Variants in CYP39A1 observed in about 807,000 individuals in gnomAD.
The protein encoded by CYP39A1 is 24-hydroxycholesterol 7-alpha-hydroxylase.
In CYP39A1, 49 loss-of-function variants were observed where a neutral mutation model predicts 58.1. That is an observed-to-expected ratio of 0.84 (90% CI 0.67 to 1.07). The LOEUF is 1.07. Among genes scored for constraint, CYP39A1 ranks in the 50% least tolerant of loss-of-function variants. The probability of loss-of-function intolerance (pLI) is 0.00; values close to 1 mark genes in which losing one functional copy is unlikely to be tolerated. For missense variants in CYP39A1, 531 were observed against 539.4 expected (o/e 0.98, Z 0.16); for synonymous variants, 209 against 187.6 (o/e 1.11, Z -0.93).
chr6:46,621,962 G>C (rs1371294016), intron 7 of CYP39A1, among the ~76,000 whole-genome samples: 4 of 152,094 alleles, frequency 2.6e-5, no homozygotes, highest in African/African-American at 9.7e-5. Flanking sequence ...TATACATGAG[G>C]ATTAAGCAGG....
intron 2 of CYP39A1, among the ~76,000 whole-genome samples, chr6:46,640,581 T>C (rs932810816): frequency 5.9e-5 from 9 of 152,360 alleles, no homozygotes; most frequent in African/African-American, 2.2e-4. Flanking sequence ...TATCTTGTTT[T>C]ATTGACCTTG....
In CYP39A1 at chr6:46,627,755, T is replaced by C. The variant is rs180831090; in HGVS notation, c.841-2247A>G. Among the ~76,000 whole-genome samples the C allele has an allele frequency of 1.5e-3, 230 of 152,230 alleles. 3 individuals carry two copies. The highest frequency in any genetic ancestry group is 0.013 in the South Asian group (61 of 4,830). ...CTTAACAGATTACAGTTTTTAAAAT[T>C]TTTTCTATTTTTAAAAAAGCCAAAG... On this transcript the variant is annotated intron_variant, in intron 6 of 11. Coordinates refer to ENST00000275016, the MANE Select transcript of CYP39A1 (RefSeq NM_016593.5).
chr6:46,651,094 C>T (rs1762657332), intron 1 of CYP39A1, among the ~76,000 whole-genome samples: 1 of 152,168 alleles, frequency 6.6e-6, no homozygotes, highest in Non-Finnish European at 1.5e-5. Context: ...ATTCATACTT[C>T]TTTTTCCAAA....
At chr6:46,581,269 G>A (rs573411985) in intron 10 of CYP39A1, among the ~76,000 whole-genome samples, 29 of 152,168 alleles carry the variant, frequency 1.9e-4, no homozygotes, top group Admixed American at 3.3e-4. Flanking sequence ...AAATTAGCTG[G>A]GCACTATGGC....
intron 10 of CYP39A1, among the ~76,000 whole-genome samples, chr6:46,567,130 C>A (rs1291260325): frequency 2.0e-5 from 3 of 152,090 alleles, no homozygotes; most frequent in Non-Finnish European, 4.4e-5. Context: ...GTACTCTCTG[C>A]CTGATATCTC....
rs1371935619 is a variant in CYP39A1 at position 46,550,355 on chromosome 6, C to A, written c.*11G>T. 1 of 1,611,458 alleles carries A rather than the reference C, an allele frequency of 6.2e-7. No homozygotes were observed. Among genetic ancestry groups the A allele is most frequent in the Admixed American group, 1.7e-5 (1 of 59,682 alleles). The stretch of plus-strand genomic sequence containing the variant: ...CCAGAAGGCCCTGGTCCTTGTGAGG[C>A]CCAACAGATGTCATATTCTTTGTTT... On this transcript the variant is annotated 3_prime_UTR_variant, in exon 12 of 12. Transcript: ENST00000275016.
chr6:46,565,611 T>C (rs1697977341), intron 10 of CYP39A1, among the ~76,000 whole-genome samples: 1 of 152,180 alleles, frequency 6.6e-6, no homozygotes, highest in African/African-American at 2.4e-5. Flanking sequence ...TCATTTGCCA[T>C]GGACCCCCAG....
chr6:46,586,879 T>A (rs887679595), intron 10 of CYP39A1, among the ~76,000 whole-genome samples, 198 bp downstream of exon 10: 1 of 152,126 alleles, frequency 6.6e-6, no homozygotes, highest in Non-Finnish European at 1.5e-5. Flanking sequence ...TCTCATAAGG[T>A]CTTCTATCAG....
chr6:46,625,517 GA>G lies in CYP39A1; in HGVS notation c.841-10del. 1 of 1,590,292 alleles carries G rather than the reference GA, an allele frequency of 6.3e-7. No individual in the cohort carries two copies. Among genetic ancestry groups the G allele is most frequent in the Non-Finnish European group, 8.6e-7 (1 of 1,163,386 alleles). On this transcript the variant is annotated splice_polypyrimidine_tract_variant and intron_variant, in intron 6 of 11. Transcript: ENST00000275016. ...AGTGTCCAAAATGCAACCTTAAAAA[GA>G]AAAACATATATCAAAAATATGAACT...
At chr6:46,561,771 C>A (rs1770989925) in intron 10 of CYP39A1, among the ~76,000 whole-genome samples, 1 of 151,940 alleles carries the variant, frequency 6.6e-6, no homozygotes, top group Non-Finnish European at 1.5e-5. Context: ...ATTTGCTAAG[C>A]AAATGAGAAA....
chr6:46,573,320 G>A (rs1230631172), intron 10 of CYP39A1, among the ~76,000 whole-genome samples: 1 of 152,088 alleles, frequency 6.6e-6, no homozygotes, highest in Non-Finnish European at 1.5e-5. Flanking sequence ...TTCATTTGTG[G>A]GTGAGTGCTA....
At chr6:46,585,648 T>C (rs1772432137) in intron 10 of CYP39A1, among the ~76,000 whole-genome samples, 1 of 152,130 alleles carries the variant, frequency 6.6e-6, no homozygotes, top group South Asian at 2.1e-4. Flanking sequence ...TATGTCAGTA[T>C]ATGGTGGGTA....
intron 6 of CYP39A1, 148 bp downstream of exon 6, chr6:46,630,815 T>C (rs1334028950): frequency 1.5e-6 from 1 of 663,846 alleles, no homozygotes; most frequent in East Asian, 2.7e-5. Context: ...TCAGTTTTGG[T>C]TTTTATCTCA....
intron 7 of CYP39A1, among the ~76,000 whole-genome samples, chr6:46,602,273 G>A (rs1359529460): frequency 6.6e-6 from 1 of 152,114 alleles, no homozygotes; most frequent in African/African-American, 2.4e-5. Flanking sequence ...TTTGAAAGAC[G>A]TTTCTGAGGG....
At chr6:46,635,318 C>T (rs1263052422) in intron 5 of CYP39A1, among the ~76,000 whole-genome samples, 1 of 152,042 alleles carries the variant, frequency 6.6e-6, no homozygotes, top group African/African-American at 2.4e-5. Context: ...GAAACTGAGG[C>T]CAAGAGACTA....
intron 7 of CYP39A1, among the ~76,000 whole-genome samples, chr6:46,598,896 A>G (rs1773328460): frequency 6.6e-6 from 1 of 152,206 alleles, no homozygotes; most frequent in African/African-American, 2.4e-5. Context: ...GTTCAGTACA[A>G]GGTGGTGCTG....
intron 7 of CYP39A1, among the ~76,000 whole-genome samples, chr6:46,604,959 T>C (rs1304581939): frequency 1.3e-5 from 2 of 151,708 alleles, no homozygotes; most frequent in Non-Finnish European, 2.9e-5. Flanking sequence ...AAGAATTGCA[T>C]TGGGCTACAT....
At chr6:46,648,497 C>T (rs1762467114) in intron 1 of CYP39A1, among the ~76,000 whole-genome samples, 1 of 118,632 alleles carries the variant, frequency 8.4e-6, no homozygotes, top group East Asian at 2.5e-4. Flanking sequence ...GAACATCACA[C>T]ACCGGGGCCT....
At chr6:46,638,556 G>A (rs541501662) in intron 3 of CYP39A1, among the ~76,000 whole-genome samples, 2 of 151,466 alleles carry the variant, frequency 1.3e-5, no homozygotes, top group Non-Finnish European at 2.9e-5. Context: ...ACTTAATACT[G>A]TTTATTTAAT....
Sources: allele counts gnomAD v4.1 joint callset (sites outside exome capture counted in the v4.1 genomes callset), GRCh38; gene constraint gnomAD v4.1.1; transcripts MANE v1.5; gene names NCBI Gene and HGNC (gene_info 2026-07-23, HGNC 2026-07-21).